ABI3BP: variants seen among roughly 807,000 people sequenced by gnomAD.
The protein encoded by ABI3BP is target of Nesh-SH3.
ABI3BP carries 216 observed loss-of-function variants against 268.6 expected under a neutral mutation model. The ratio of observed to expected loss-of-function variants is 0.80; its 90% confidence interval spans 0.72 to 0.90. The LOEUF (loss-of-function observed/expected upper bound fraction) is 0.90. Among genes scored for constraint, ABI3BP ranks in the 40% least tolerant of loss-of-function variants. The pLI, the probability that ABI3BP is intolerant of heterozygous loss-of-function variation, is 0.00. For missense variants in ABI3BP, 2,090 were observed against 2,182.4 expected (o/e 0.96, Z 0.84); for synonymous variants, 730 against 730.0 (o/e 1.00, Z 0.00).
At chr3:100,806,116 C>T (rs537589693) in intron 50 of ABI3BP, among the ~76,000 whole-genome samples, 1 of 152,120 alleles carries the variant, frequency 6.6e-6, no homozygotes, top group African/African-American at 2.4e-5. Context: ...TCCCATTTTG[C>T]CTTTGAATGC....
intron 2 of ABI3BP, among the ~76,000 whole-genome samples, chr3:100,924,475 G>T (rs2061224581): frequency 6.6e-6 from 1 of 152,044 alleles, no homozygotes; most frequent in South Asian, 2.1e-4. Flanking sequence ...GTGATACCTG[G>T]TTATGCTTTA....
At chr3:100,920,514 C>T (rs888620926) in intron 2 of ABI3BP, among the ~76,000 whole-genome samples, 1 of 152,108 alleles carries the variant, frequency 6.6e-6, no homozygotes, top group African/African-American at 2.4e-5. Flanking sequence ...ACCTCCCCCT[C>T]CCAGGTTCAA....
intron 1 of ABI3BP, among the ~76,000 whole-genome samples, chr3:100,977,932 T>C (rs2087087419): frequency 6.6e-6 from 1 of 152,186 alleles, no homozygotes; most frequent in Non-Finnish European, 1.5e-5. Flanking sequence ...TCTATGCATA[T>C]GGTAGTAATT....
At position 100,937,559 on chromosome 3, in the gene ABI3BP, A is replaced by G. The variant is rs1166700496; in HGVS notation, c.80-11078T>C. On this transcript the variant is annotated intron_variant, in intron 1 of 67. Transcript: ENST00000471714. ...CCGTTACGCTACTGTAGAACGGGCT[A>G]TGACTTTCCTCATCTCCATAACCAC... Among the ~76,000 whole-genome samples the G allele has an allele frequency of 2.0e-5, 3 of 152,204 alleles. No individual in the cohort carries two copies. The East Asian group carries it at 5.8e-4, about 29-fold the overall frequency.
At chr3:100,778,181 C>T in intron 59 of ABI3BP, 103 bp downstream of exon 59, 1 of 1,132,460 alleles carries the variant, frequency 8.8e-7, no homozygotes, top group Non-Finnish European at 1.3e-6. Flanking sequence ...AAACGTGTCA[C>T]ACACATCAAT....
intron 1 of ABI3BP, among the ~76,000 whole-genome samples, chr3:100,937,549 A>G (rs1398838057): frequency 6.6e-6 from 1 of 152,090 alleles, no homozygotes; most frequent in Non-Finnish European, 1.5e-5. Context: ...ACGCTACTGT[A>G]GAACGGGCTA....
chr3:100,839,945 C>T (rs2098666553), intron 23 of ABI3BP, 127 bp downstream of exon 23: 1 of 718,974 alleles, frequency 1.4e-6, no homozygotes, highest in South Asian at 1.6e-5. Flanking sequence ...AAACTGAGTA[C>T]AGATGCTCAG....
At chr3:100,760,330 G>A (rs1390540570) in intron 63 of ABI3BP, among the ~76,000 whole-genome samples, 1 of 152,166 alleles carries the variant, frequency 6.6e-6, no homozygotes, top group Non-Finnish European at 1.5e-5. Flanking sequence ...GAGTTCATTG[G>A]AAGAGAAGAG....
intron 59 of ABI3BP, 21 bp from the exon 60 acceptor site, chr3:100,775,356 A>AG: frequency 6.3e-7 from 1 of 1,589,516 alleles, no homozygotes; most frequent in Non-Finnish European, 8.6e-7. Flanking sequence ...GAGCCAAAGT[A>AG]GTCAGGCTTT....
chr3:100,856,793 G>C (rs114298792), intron 14 of ABI3BP, among the ~76,000 whole-genome samples: 2 of 152,144 alleles, frequency 1.3e-5, no homozygotes, highest in African/African-American at 4.8e-5. Flanking sequence ...CCCATATTAA[G>C]TCTTTAGAAG....
At chr3:100,966,195 A>G (rs1250801117) in intron 1 of ABI3BP, among the ~76,000 whole-genome samples, 2 of 152,210 alleles carry the variant, frequency 1.3e-5, no homozygotes, top group African/African-American at 4.8e-5. Context: ...ATAGAAAACC[A>G]TGACTTCATG....
At chr3:100,817,636 CAT>C in intron 41 of ABI3BP, 141 bp from the exon 42 acceptor site, 1 of 522,846 alleles carries the variant, frequency 1.9e-6, no homozygotes, top group Non-Finnish European at 3.3e-6. Context: ...CCATTAGTCT[CAT>C]AAGACAGATT....
intron 55 of ABI3BP, among the ~76,000 whole-genome samples, chr3:100,790,604 C>T (rs918992726): frequency 1.3e-5 from 2 of 151,918 alleles, no homozygotes; most frequent in Admixed American, 6.6e-5. Context: ...CCAACAACAG[C>T]GGACACACAC....
intron 46 of ABI3BP, 74 bp downstream of exon 46, chr3:100,812,393 G>A: frequency 2.0e-6 from 2 of 1,005,724 alleles, no homozygotes; most frequent in Non-Finnish European, 2.6e-6. Flanking sequence ...CAAAGCATGA[G>A]GACATCCAGA....
At chr3:100,876,842 G>A (rs968364889) in intron 6 of ABI3BP, among the ~76,000 whole-genome samples, 5 of 150,622 alleles carry the variant, frequency 3.3e-5, no homozygotes, top group Admixed American at 6.6e-5. Context: ...AAAAAAATTA[G>A]TTGGGCATGG....
At chr3:100,983,043 G>A (rs934963545) in intron 1 of ABI3BP, among the ~76,000 whole-genome samples, 1 of 152,184 alleles carries the variant, frequency 6.6e-6, no homozygotes, top group African/African-American at 2.4e-5. Context: ...CACGTGCACA[G>A]TGGCCTCTCA....
chr3:100,817,162 T>G (rs981458565), intron 42 of ABI3BP, among the ~76,000 whole-genome samples: 1 of 152,178 alleles, frequency 6.6e-6, no homozygotes, highest in African/African-American at 2.4e-5. Flanking sequence ...ATGAGTGACA[T>G]GAATGCTGTT....
rs1384156546 is a variant in ABI3BP, at chr3:100,887,275, G to GAACT, written c.462-956_462-953dup. On this transcript the variant is annotated intron_variant, in intron 4 of 67. Transcript: ENST00000471714. ...TATACAGTAATGAGAGTGAATGGGA[G>GAACT]AACTACATGTATCAATGTGGATAGA... Among the ~76,000 whole-genome samples the GAACT allele has an allele frequency of 2.8e-4, 43 of 152,078 alleles. 1 individual carries two copies. Among genetic ancestry groups the GAACT allele is most frequent in the Admixed American group, 2.5e-3 (38 of 15,254 alleles).
chr3:100,865,089 A>T (rs551573977), intron 10 of ABI3BP, among the ~76,000 whole-genome samples, 182 bp from the exon 11 acceptor site: 1 of 152,054 alleles, frequency 6.6e-6, no homozygotes, highest in Non-Finnish European at 1.5e-5. Context: ...CTCCTCTCCA[A>T]CTGGTCCTTT....
Sources: gnomAD v4.1 joint callset for allele counts (sites outside exome capture counted in the v4.1 genomes callset) on GRCh38, gnomAD v4.1.1 for gene constraint, MANE v1.5 for transcripts, NCBI Gene and HGNC (gene_info 2026-07-23, HGNC 2026-07-21) for gene names.